The following PPP2R5A variants were observed in gnomAD, a reference collection of about 807,000 sequenced individuals.
PPP2R5A encodes serine/threonine-protein phosphatase 2A 56 kDa regulatory subunit alpha isoform.
In PPP2R5A, 25 loss-of-function variants were observed where a neutral mutation model predicts 64.2. The ratio of observed to expected loss-of-function variants is 0.39; its 90% CI spans 0.28 to 0.54. The LOEUF is 0.54. PPP2R5A is among the 20% of genes least tolerant of loss of function. The probability of loss-of-function intolerance (pLI) is 0.67; values close to 1 mark genes in which losing one functional copy is unlikely to be tolerated. For synonymous variants in PPP2R5A, 198 were observed against 201.2 expected (o/e 0.98, Z 0.13); for missense variants, 425 against 576.3 (o/e 0.74, Z 2.69).
intron 1 of PPP2R5A, among the ~76,000 whole-genome samples, chr1:212,318,291 G>T (rs557141969): frequency 9.4e-5 from 14 of 149,376 alleles, no homozygotes; most frequent in Middle Eastern, 3.5e-3. Flanking sequence ...AGGCATATCT[G>T]TTTTTTTTTT....
chr1:212,289,642 TA>T (rs1658566572), intron 1 of PPP2R5A, among the ~76,000 whole-genome samples: 1 of 152,156 alleles, frequency 6.6e-6, no homozygotes, highest in East Asian at 1.9e-4. Flanking sequence ...AAAATGGGGA[TA>T]ATACAAATCT....
intron 3 of PPP2R5A, among the ~76,000 whole-genome samples, chr1:212,339,762 G>A (rs1345482468): frequency 6.6e-6 from 1 of 152,012 alleles, no homozygotes; most frequent in Non-Finnish European, 1.5e-5. Flanking sequence ...TCTCCCATAG[G>A]ACAGGCTATT....
In PPP2R5A at chr1:212,331,335, A is replaced by ATT. The variant is rs60762237; in HGVS notation, c.378+2020_378+2021dup. 2.6e-3 allele frequency: 344 copies of ATT among 132,456 alleles called. 5 individuals are homozygous for ATT. Among genetic ancestry groups the ATT allele is most frequent in the African/African-American group, 8.0e-3 (287 of 35,960 alleles). 8.2% of individuals were successfully genotyped at this position (132,456 alleles called of 1,614,324 possible). The stretch of plus-strand genomic sequence containing the variant: ...ACCACCATGCCCGATTAATTTTTTC[A>ATT]TTTTTTTTTTTTTTTTTAGAGGTGG... On this transcript the variant is annotated intron_variant, in intron 2 of 12. Transcript: ENST00000261461.
intron 1 of PPP2R5A, among the ~76,000 whole-genome samples, chr1:212,328,554 T>A (rs1362835701): frequency 1.3e-5 from 2 of 152,210 alleles, no homozygotes; most frequent in African/African-American, 2.4e-5. Flanking sequence ...GAGTTTGAAC[T>A]TTATTATTTA....
chr1:212,346,627 A>G (rs528989306), intron 5 of PPP2R5A, among the ~76,000 whole-genome samples: 1 of 152,262 alleles, frequency 6.6e-6, no homozygotes, highest in East Asian at 1.9e-4. Flanking sequence ...AGATAATGAA[A>G]CCTGCGGATA....
intron 1 of PPP2R5A, among the ~76,000 whole-genome samples, chr1:212,304,731 G>GT (rs1401989270): frequency 0.14 from 17,195 of 124,798 alleles, 1,809 homozygotes; most frequent in East Asian, 0.33. Context: ...GCCGGCCCCA[G>GT]TTTTTTTTTT....
intron 1 of PPP2R5A, among the ~76,000 whole-genome samples, chr1:212,311,214 A>T (rs1489214046): frequency 6.6e-6 from 1 of 152,208 alleles, no homozygotes; most frequent in African/African-American, 2.4e-5. Flanking sequence ...GCTCAAGCCT[A>T]TCCCAGCACT....
chr1:212,314,743 A>G (rs1018204268), intron 1 of PPP2R5A, among the ~76,000 whole-genome samples: 2 of 150,760 alleles, frequency 1.3e-5, no homozygotes, highest in Non-Finnish European at 3.0e-5. Flanking sequence ...TTTGTATTTT[A>G]GTAGAGATGA....
At chr1:212,294,276 A>G (rs1322975041) in intron 1 of PPP2R5A, among the ~76,000 whole-genome samples, 2 of 152,182 alleles carry the variant, frequency 1.3e-5, no homozygotes, top group East Asian at 3.9e-4. Flanking sequence ...CTAAATTGAT[A>G]AAAGTGAAAA....
intron 1 of PPP2R5A, among the ~76,000 whole-genome samples, chr1:212,320,388 C>T (rs1476694695): frequency 1.3e-5 from 2 of 152,188 alleles, no homozygotes; most frequent in East Asian, 3.9e-4. Flanking sequence ...TCAATCTTTT[C>T]CCCACCTTTC....
chr1:212,349,301 T>C, intron 8 of PPP2R5A, 59 bp downstream of exon 8: 1 of 1,329,090 alleles, frequency 7.5e-7, no homozygotes, highest in Non-Finnish European at 1.0e-6. Context: ...TCATTGTAGC[T>C]TTCGTTTTAT....
chr1:212,308,410 C>CT (rs35324374), intron 1 of PPP2R5A, among the ~76,000 whole-genome samples: 67,746 of 128,360 alleles, frequency 0.53, 18,618 homozygotes, highest in South Asian at 0.63. Context: ...TGTTGGTACA[C>CT]TTTTTTTTTT....
intron 1 of PPP2R5A, among the ~76,000 whole-genome samples, chr1:212,306,584 C>A (rs180892201): frequency 2.7e-4 from 41 of 152,024 alleles, no homozygotes; most frequent in Admixed American, 5.2e-4. Flanking sequence ...CTCCAGCTTT[C>A]TTATGGTTGT....
At chr1:212,340,941 A>C (rs981195285) in intron 3 of PPP2R5A, among the ~76,000 whole-genome samples, 1 of 152,154 alleles carries the variant, frequency 6.6e-6, no homozygotes, top group Admixed American at 6.5e-5. Context: ...TTCTACATCA[A>C]CCTAACTGGC....
intron 3 of PPP2R5A, among the ~76,000 whole-genome samples, chr1:212,335,349 C>T (rs749875269): frequency 4.4e-4 from 67 of 152,052 alleles, no homozygotes; most frequent in Middle Eastern, 6.8e-3. Context: ...GTGGCACATG[C>T]CTGTAATCCC....
intron 1 of PPP2R5A, among the ~76,000 whole-genome samples, chr1:212,303,752 G>A (rs1214361729): frequency 6.6e-6 from 1 of 152,048 alleles, no homozygotes; most frequent in African/African-American, 2.4e-5. Flanking sequence ...ATTATTTTGT[G>A]TGTAGTTATC....
chr1:212,322,191 A>G (rs1183598839), intron 1 of PPP2R5A, among the ~76,000 whole-genome samples: 2 of 137,574 alleles, frequency 1.5e-5, no homozygotes, highest in Non-Finnish European at 3.1e-5. Flanking sequence ...AGAGAGGGAG[A>G]GGGAGACCGT....
intron 1 of PPP2R5A, among the ~76,000 whole-genome samples, chr1:212,287,248 G>T (rs1451465552): frequency 2.0e-5 from 3 of 152,064 alleles, no homozygotes; most frequent in Non-Finnish European, 1.5e-5. Flanking sequence ...TAATGTCCTT[G>T]CTTTTTATGA....
rs919634208 is a variant in PPP2R5A at position 212,285,979 on chromosome 1, C to T, written c.-132C>T. On this transcript the variant is annotated 5_prime_UTR_variant, in exon 1 of 13. Transcript: ENST00000261461. ...GGAGAAGCTCGGCGGCGTCCCGGGG[C>T]CGGAGGGCCGTGGGGCCGGGGCGCA... is the stretch of plus-strand genomic sequence containing the variant. The T allele has an allele frequency of 1.1e-6, 1 of 916,062 alleles. No individual in the cohort carries two copies. The highest frequency in any genetic ancestry group is 1.5e-6 in the Non-Finnish European group (1 of 680,040). 56.7% of individuals were successfully genotyped at this position (916,062 alleles called of 1,614,324 possible).
Sources: allele counts gnomAD v4.1 joint callset (sites outside exome capture counted in the v4.1 genomes callset), GRCh38; gene constraint gnomAD v4.1.1; transcripts MANE v1.5; gene names NCBI Gene and HGNC (gene_info 2026-07-23, HGNC 2026-07-21).